B3GALT1: variants seen among roughly 807,000 people sequenced by gnomAD.
The protein encoded by B3GALT1 is UDP-Gal:betaGlcNAc beta 1,3-galactosyltransferase, polypeptide 1.
A neutral mutation model predicts 23.2 loss-of-function variants in B3GALT1; 10 were observed. That is an observed-to-expected ratio of 0.43 (90% confidence interval 0.27 to 0.73). The LOEUF is 0.73. Among genes scored for constraint, B3GALT1 ranks in the 30% least tolerant of loss-of-function variants. The pLI, the probability that B3GALT1 is intolerant of heterozygous loss-of-function variation, is 0.21. For missense variants in B3GALT1, 299 were observed against 405.4 expected, an observed-to-expected ratio of 0.74 and a Z score of 2.25; for synonymous variants, 156 against 141.5, an observed-to-expected ratio of 1.10 and a Z score of -0.73.
chr2:167,550,054 CTTTGT>C (rs1456906589), intron 2 of B3GALT1, among the ~76,000 whole-genome samples: 1 of 152,158 alleles, frequency 6.6e-6, no homozygotes, highest in Non-Finnish European at 1.5e-5. Context: ...CCATTTTCTA[CTTTGT>C]TTTAAATGTA....
At chr2:167,810,356 C>T (rs997669084) in intron 3 of B3GALT1, among the ~76,000 whole-genome samples, 2 of 150,862 alleles carry the variant, frequency 1.3e-5, no homozygotes, top group Non-Finnish European at 1.5e-5. Context: ...AGAAATCACC[C>T]GTCTTCTCTG....
intron 3 of B3GALT1, among the ~76,000 whole-genome samples, chr2:167,673,258 G>C (rs553396312): frequency 3.4e-4 from 51 of 152,164 alleles, no homozygotes; most frequent in Non-Finnish European, 6.9e-4. Context: ...GCAGGTTTCT[G>C]ATCACCTTGT....
At chr2:167,615,770 A>C (rs2105435384) in intron 2 of B3GALT1, among the ~76,000 whole-genome samples, 1 of 152,232 alleles carries the variant, frequency 6.6e-6, no homozygotes, top group South Asian at 2.1e-4. Context: ...CGTGTCATGC[A>C]CTACTCTAAG....
intron 2 of B3GALT1, among the ~76,000 whole-genome samples, chr2:167,573,697 A>G (rs1684336660): frequency 6.6e-6 from 1 of 151,740 alleles, no homozygotes; most frequent in Admixed American, 6.6e-5. Context: ...ATTGTACTTA[A>G]TTTTTCACTT....
At chr2:167,797,959 C>T (rs909793704) in intron 3 of B3GALT1, among the ~76,000 whole-genome samples, 1 of 152,200 alleles carries the variant, frequency 6.6e-6, no homozygotes, top group Non-Finnish European at 1.5e-5. Context: ...CCGCCTTGGC[C>T]TCCCAAAATG....
intron 2 of B3GALT1, among the ~76,000 whole-genome samples, chr2:167,608,131 G>A (rs902341390): frequency 6.6e-6 from 1 of 152,132 alleles, no homozygotes. Context: ...ATAAGGTGTA[G>A]CAAAATATAT....
chr2:167,770,790 G>C (rs1468322179), intron 3 of B3GALT1, among the ~76,000 whole-genome samples: 3 of 152,134 alleles, frequency 2.0e-5, no homozygotes, highest in Non-Finnish European at 4.4e-5. Context: ...GAAGTACTCT[G>C]TGAATTCTGA....
rs749429728 is a variant in B3GALT1, at chr2:167,869,987, T to C, written c.948T>C (p.Asn316=). 1.2e-6 allele frequency: 2 copies of C among 1,606,780 alleles called. No individual in the cohort carries two copies. The highest frequency in any genetic ancestry group is 1.7e-6 in the Non-Finnish European group (2 of 1,174,334). ...ISPEEMHRIW[N]DMSSKKHLRC is the part of the protein sequence containing the mutation. ...CAGAAGAAATGCACAGAATCTGGAA[T>C]GACATGTCAAGCAAGAAACATCTCA... is the stretch of plus-strand genomic sequence containing the variant. The change falls in exon 5 of 5, where the codon AAT becomes AAC. Residue 316 remains asparagine, a synonymous_variant. Coordinates refer to ENST00000392690, the MANE Select transcript of B3GALT1 (RefSeq NM_020981.4). This position sits in a 1 kb window ranked among gnomAD's most constrained non-coding sequence, Gnocchi z 6.4.
chr2:167,501,718 C>CAAAAAAAAAA (rs35445623), intron 2 of B3GALT1, among the ~76,000 whole-genome samples: 3 of 65,416 alleles, frequency 4.6e-5, no homozygotes, highest in Non-Finnish European at 6.1e-5. Flanking sequence ...TCTACAGTGG[C>CAAAAAAAAAA]AAAAAAAAAA....
At chr2:167,451,227 T>A (rs1699086200) in intron 1 of B3GALT1, among the ~76,000 whole-genome samples, 1 of 152,170 alleles carries the variant, frequency 6.6e-6, no homozygotes, top group Admixed American at 6.5e-5. Context: ...TTGGTTCCAT[T>A]GCTGGTGAGC....
chr2:167,671,747 A>G (rs1376248559), intron 3 of B3GALT1, among the ~76,000 whole-genome samples: 2 of 152,080 alleles, frequency 1.3e-5, no homozygotes, highest in Admixed American at 6.5e-5. Flanking sequence ...AAAAGAATAG[A>G]CTTAGCACAA....
At chr2:167,781,455 G>A (rs948493094) in intron 3 of B3GALT1, among the ~76,000 whole-genome samples, 1 of 152,102 alleles carries the variant, frequency 6.6e-6, no homozygotes, top group African/African-American at 2.4e-5. Context: ...TGCCGGATGG[G>A]TGCAATACTA....
intron 1 of B3GALT1, among the ~76,000 whole-genome samples, chr2:167,306,459 G>C (rs1243550811): frequency 6.6e-6 from 1 of 151,806 alleles, no homozygotes; most frequent in East Asian, 1.9e-4. Context: ...CAGTTTTCTA[G>C]AATATTTTAT....
intron 1 of B3GALT1, among the ~76,000 whole-genome samples, chr2:167,455,971 T>A (rs1165844922): frequency 2.6e-5 from 4 of 152,140 alleles, no homozygotes; most frequent in Admixed American, 2.6e-4. Context: ...TACAGAACAG[T>A]TGAGGGAAGT....
intron 3 of B3GALT1, chr2:167,715,157 G>A: frequency 6.2e-7 from 1 of 1,613,870 alleles, no homozygotes. Flanking sequence ...ATCTAAGTAA[G>A]CACCATTTTC....
chr2:167,431,457 G>A (rs1317666482), intron 1 of B3GALT1, among the ~76,000 whole-genome samples: 2 of 152,054 alleles, frequency 1.3e-5, no homozygotes, highest in Non-Finnish European at 2.9e-5. Flanking sequence ...TAGCTAAGTG[G>A]GTTAACTTTT....
chr2:167,411,950 G>C (rs76201279), intron 1 of B3GALT1, among the ~76,000 whole-genome samples: 1 of 152,078 alleles, frequency 6.6e-6, no homozygotes, highest in Non-Finnish European at 1.5e-5. Flanking sequence ...AATAAATTAG[G>C]TACAGAAAGA....
intron 1 of B3GALT1, among the ~76,000 whole-genome samples, chr2:167,358,468 GTTTT>G (rs1159427074): frequency 6.6e-6 from 1 of 152,070 alleles, no homozygotes; most frequent in South Asian, 2.1e-4. Context: ...ATCGTTAACA[GTTTT>G]TTTGTGTATG....
At chr2:167,317,887 G>A (rs1188235468) in intron 1 of B3GALT1, among the ~76,000 whole-genome samples, 1 of 151,990 alleles carries the variant, frequency 6.6e-6, no homozygotes, top group East Asian at 1.9e-4. Context: ...CCAACATGAG[G>A]GCCTAAATTT....
Sources: allele counts gnomAD v4.1 joint callset (sites outside exome capture counted in the v4.1 genomes callset), GRCh38; gene constraint gnomAD v4.1.1; non-coding constraint Gnocchi (gnomAD v3.1); transcripts MANE v1.5; gene names NCBI Gene and HGNC (gene_info 2026-07-23, HGNC 2026-07-21).